Variants in POU2F1 observed in about 807,000 individuals in gnomAD.
POU2F1 encodes POU domain, class 2, transcription factor 1.
Under a neutral mutation model 84.9 loss-of-function variants are expected in POU2F1, and 16 were observed. The observed-to-expected ratio is 0.19, with a 90% CI of 0.13 to 0.29. The LOEUF (loss-of-function observed/expected upper bound fraction) is 0.29. POU2F1 is among the 10% of genes least tolerant of loss of function. The pLI is 1.00. For synonymous variants in POU2F1, 368 were observed against 368.3 expected (o/e 1.00, Z 0.01); for missense variants, 738 against 942.6 (o/e 0.78, Z 2.84).
At chr1:167,236,345 C>T (rs957023202) in intron 1 of POU2F1, among the ~76,000 whole-genome samples, 10 of 152,088 alleles carry the variant, frequency 6.6e-5, no homozygotes, top group Non-Finnish European at 1.3e-4. Context: ...TCATGATCCA[C>T]CTGCCTTGGC....
At chr1:167,331,050 G>A (rs907834849) in intron 1 of POU2F1, among the ~76,000 whole-genome samples, 7 of 152,026 alleles carry the variant, frequency 4.6e-5, no homozygotes, top group African/African-American at 1.7e-4. Flanking sequence ...ACCTTAGTAT[G>A]CTTTCAGATG....
intron 13 of POU2F1, among the ~76,000 whole-genome samples, chr1:167,404,179 CTT>C (rs1018018570): frequency 7.1e-6 from 1 of 140,592 alleles, no homozygotes; most frequent in Admixed American, 7.1e-5. Flanking sequence ...GGTAATTTAT[CTT>C]TTTTTTTTTT....
intron 1 of POU2F1, among the ~76,000 whole-genome samples, chr1:167,305,851 T>C (rs1345866268): frequency 6.6e-6 from 1 of 152,156 alleles, no homozygotes; most frequent in Non-Finnish European, 1.5e-5. Context: ...ACTCATCCTC[T>C]GAGTAGAAGG....
intron 1 of POU2F1, among the ~76,000 whole-genome samples, chr1:167,311,970 A>G (rs1360564819): frequency 6.7e-6 from 1 of 150,084 alleles, no homozygotes; most frequent in Non-Finnish European, 1.5e-5. Context: ...TTGGAGATGG[A>G]GTCTTACTCT....
intron 2 of POU2F1, among the ~76,000 whole-genome samples, chr1:167,346,928 T>C (rs1314516068): frequency 6.6e-6 from 1 of 152,244 alleles, no homozygotes; most frequent in African/African-American, 2.4e-5. Context: ...TCCCATTTTA[T>C]GGCAGCTCAG....
intron 2 of POU2F1, among the ~76,000 whole-genome samples, chr1:167,353,180 C>T (rs1658695392): frequency 6.6e-6 from 1 of 152,192 alleles, no homozygotes; most frequent in Non-Finnish European, 1.5e-5. Flanking sequence ...AATTTATTCC[C>T]TGTCACATTT....
chr1:167,240,385 G>A (rs1649811513), intron 1 of POU2F1, among the ~76,000 whole-genome samples: 1 of 152,076 alleles, frequency 6.6e-6, no homozygotes, highest in Admixed American at 6.6e-5. Flanking sequence ...TAAAATATTA[G>A]AAAAAAGAGT....
At chr1:167,356,131 C>T (rs569967729) in intron 2 of POU2F1, among the ~76,000 whole-genome samples, 13 of 150,632 alleles carry the variant, frequency 8.6e-5, no homozygotes, top group Admixed American at 2.6e-4. Context: ...ACTATAGGCA[C>T]GTCCCACCAC....
In POU2F1 at chr1:167,418,342, C is replaced by G. The variant is rs778754137; in HGVS notation, c.*2532C>G. The G allele has an allele frequency of 6.6e-6, 1 of 152,084 alleles. No individual in the cohort carries two copies. The highest frequency in any genetic ancestry group is 2.4e-5 in the African/African-American group (1 of 41,402). The allele number at this position is 152,084 out of a possible 1,614,324, so 9.4% of individuals were successfully genotyped here. A position where few individuals can be genotyped will look rare whatever the true frequency, so the allele number is the denominator to read the frequency against. On this transcript the variant is annotated 3_prime_UTR_variant, in exon 16 of 16. Coordinates refer to ENST00000367866, the MANE Select transcript of POU2F1 (RefSeq NM_002697.4). ...GAATGACAATGTCAATTACTAATTT[C>G]TCTCCTCTCCATTCACTTTTTCTCT...
chr1:167,396,333 C>A lies in POU2F1; in HGVS notation c.1035C>A (p.Ser345Arg). ...GGAAACTATATGGAAATGACTTCAGCCAAACTACCATCTCTCGATTTGAAG... is the reference window on the plus strand; with the variant it reads ...GGAAACTATATGGAAATGACTTCAGACAAACTACCATCTCTCGATTTGAAG... ...AMGKLYGNDF[S>R]QTTISRFEAL... The change falls in exon 10 of 16, where the codon AGC becomes AGA. Residue 345 changes from serine (S) to arginine (R), a missense_variant. Transcript: ENST00000367866. 1 of 1,614,082 alleles carries A rather than the reference C, an allele frequency of 6.2e-7. No homozygotes were observed. Among genetic ancestry groups the A allele is most frequent in the Non-Finnish European group, 8.5e-7 (1 of 1,179,986 alleles).
At chr1:167,320,951 G>T (rs950041615) in intron 1 of POU2F1, among the ~76,000 whole-genome samples, 16 of 152,280 alleles carry the variant, frequency 1.1e-4, no homozygotes, top group Admixed American at 2.6e-4. Flanking sequence ...AGTAATTTTT[G>T]AAAGTCATTT....
intron 1 of POU2F1, among the ~76,000 whole-genome samples, chr1:167,321,226 C>T (rs751761836): frequency 1.3e-4 from 20 of 152,170 alleles, no homozygotes; most frequent in Non-Finnish European, 2.6e-4. Context: ...AATTGCTTGC[C>T]TTACATAAGT....
At chr1:167,393,807 C>T (rs1648605139) in intron 9 of POU2F1, among the ~76,000 whole-genome samples, 1 of 152,268 alleles carries the variant, frequency 6.6e-6, no homozygotes, top group South Asian at 2.1e-4. Flanking sequence ...CCAGAAAACA[C>T]TTATTGCCAT....
intron 1 of POU2F1, among the ~76,000 whole-genome samples, chr1:167,319,572 A>G (rs559191477): frequency 6.6e-6 from 1 of 151,886 alleles, no homozygotes; most frequent in East Asian, 1.9e-4. Context: ...TTAATATTCC[A>G]TAGAGAGAAA....
chr1:167,339,573 G>A (rs1657699770), intron 2 of POU2F1, among the ~76,000 whole-genome samples: 2 of 152,216 alleles, frequency 1.3e-5, no homozygotes, highest in Non-Finnish European at 2.9e-5. Context: ...TCAAAGGGCA[G>A]ACCTCTTTCA....
intron 3 of POU2F1, among the ~76,000 whole-genome samples, chr1:167,369,382 G>A (rs7530043): frequency 0.11 from 17,150 of 152,140 alleles, 2,455 homozygotes; most frequent in African/African-American, 0.34. Flanking sequence ...TACCCTTTGT[G>A]AGTATCAAGT....
At chr1:167,378,098 T>TCTAA (rs1033131466) in intron 7 of POU2F1, among the ~76,000 whole-genome samples, 2 of 152,268 alleles carry the variant, frequency 1.3e-5, no homozygotes, top group African/African-American at 2.4e-5. Flanking sequence ...AAATGGCAAT[T>TCTAA]CTAAGTTCTT....
At chr1:167,299,696 T>TTTTTTTTTTTG (rs1654531181) in intron 1 of POU2F1, among the ~76,000 whole-genome samples, 1 of 101,970 alleles carries the variant, frequency 9.8e-6, no homozygotes, top group African/African-American at 5.4e-5. Flanking sequence ...GAGACCAGAG[T>TTTTTTTTTTTG]TTTTTTTTTT....
chr1:167,279,539 A>G, intron 1 of POU2F1, among the ~76,000 whole-genome samples: 1 of 152,180 alleles, frequency 6.6e-6, no homozygotes, highest in Middle Eastern at 3.2e-3. Flanking sequence ...GATTCTTGGT[A>G]GAGGGAACTG....
Sources: allele counts gnomAD v4.1 joint callset (sites outside exome capture counted in the v4.1 genomes callset), GRCh38; gene constraint gnomAD v4.1.1; transcripts MANE v1.5; gene names NCBI Gene and HGNC (gene_info 2026-07-23, HGNC 2026-07-21).